SMARCC1: variants seen among roughly 807,000 people sequenced by gnomAD.
SMARCC1 encodes the protein SWI/SNF related BAF chromatin remodeling complex subunit C1.
SMARCC1 carries 43 observed loss-of-function variants against 147.4 expected under a neutral mutation model. The observed-to-expected ratio is 0.29, with a 90% CI of 0.23 to 0.38. SMARCC1 has a LOEUF of 0.38. Among genes scored for constraint, SMARCC1 ranks in the 10% least tolerant of loss-of-function variants. The pLI is 1.00. For missense variants in SMARCC1, 1,119 were observed against 1,381.1 expected (o/e 0.81, Z 3.01); for synonymous variants, 495 against 484.4 (o/e 1.02, Z -0.29).
chr3:47,724,002 C>A (rs973821078), intron 6 of SMARCC1, among the ~76,000 whole-genome samples: 1 of 152,040 alleles, frequency 6.6e-6, no homozygotes, highest in South Asian at 2.1e-4. Flanking sequence ...TATAACAAAA[C>A]AGAAAATAAA....
At chr3:47,667,382 A>G (rs1366886603) in intron 19 of SMARCC1, among the ~76,000 whole-genome samples, 1 of 152,210 alleles carries the variant, frequency 6.6e-6, no homozygotes. Context: ...AATAAATTAC[A>G]AGTTTTCTTT....
chr3:47,698,250 C>A (rs192317309), intron 11 of SMARCC1, among the ~76,000 whole-genome samples: 1 of 151,804 alleles, frequency 6.6e-6, no homozygotes, highest in Non-Finnish European at 1.5e-5. Flanking sequence ...TACTGAAGAA[C>A]GGTATCAAAA....
intron 24 of SMARCC1, among the ~76,000 whole-genome samples, chr3:47,631,735 C>T (rs2032893791): frequency 6.6e-6 from 1 of 152,132 alleles, no homozygotes; most frequent in African/African-American, 2.4e-5. Flanking sequence ...ACAAAAGATT[C>T]TTAAGGAAAA....
chr3:47,777,077 G>A (rs1382226378), intron 1 of SMARCC1, among the ~76,000 whole-genome samples: 1 of 148,888 alleles, frequency 6.7e-6, no homozygotes, highest in African/African-American at 2.5e-5. Flanking sequence ...CCTGGCCTCA[G>A]GTAAATATTT....
chr3:47,609,773 A>AT (rs1205834382), intron 26 of SMARCC1, among the ~76,000 whole-genome samples: 1 of 151,904 alleles, frequency 6.6e-6, no homozygotes, highest in South Asian at 2.1e-4. Flanking sequence ...AATGTCTATA[A>AT]TTTTTTTTAC....
intron 26 of SMARCC1, among the ~76,000 whole-genome samples, chr3:47,593,895 T>G (rs948758057): frequency 2.0e-5 from 3 of 152,196 alleles, no homozygotes; most frequent in Non-Finnish European, 4.4e-5. Context: ...CTGGGCACAG[T>G]GGCTCACACC....
intron 7 of SMARCC1, 32 bp from the exon 8 acceptor site, chr3:47,714,522 T>C: frequency 9.2e-7 from 1 of 1,092,032 alleles, no homozygotes; most frequent in South Asian, 1.4e-5. Flanking sequence ...AAAAACAAAT[T>C]AGAGTCAAAG....
chr3:47,767,293 G>A (rs2034852044), intron 2 of SMARCC1, among the ~76,000 whole-genome samples: 1 of 144,312 alleles, frequency 6.9e-6, no homozygotes, highest in African/African-American at 2.5e-5. Context: ...AGGCTGGAGT[G>A]CAATGGGCAC....
intron 26 of SMARCC1, among the ~76,000 whole-genome samples, chr3:47,600,171 G>A (rs1195034738): frequency 6.6e-6 from 1 of 152,196 alleles, no homozygotes; most frequent in African/African-American, 2.4e-5. Flanking sequence ...CAGGTGTTCT[G>A]AGTATGAGAG....
chr3:47,601,016 A>AGAGAGAGAGAGAGAGAGAGG (rs2032375062), intron 26 of SMARCC1, among the ~76,000 whole-genome samples: 1 of 84,428 alleles, frequency 1.2e-5, no homozygotes, highest in African/African-American at 3.3e-5. Flanking sequence ...AGAGAGAGAG[A>AGAGAGAGAGAGAGAGAGAGG]GAGAGAGAGA....
At chr3:47,662,276 T>C (rs2033356619) in intron 20 of SMARCC1, 58 bp downstream of exon 20, 1 of 1,473,220 alleles carries the variant, frequency 6.8e-7, no homozygotes, top group East Asian at 2.3e-5. Context: ...GCTGGTAATA[T>C]TTAAATTGGG....
rs191205831 is a variant in SMARCC1 at position 47,718,227 on chromosome 3, C to T, written c.716+2439G>A. 1.9e-3 allele frequency among the ~76,000 whole-genome samples: 291 copies of T among 151,210 alleles called. 3 individuals carry two copies. Among genetic ancestry groups the T allele is most frequent in the African/African-American group, 6.5e-3 (268 of 41,250 alleles). On this transcript the variant is annotated intron_variant, in intron 7 of 27. Coordinates refer to ENST00000254480, the MANE Select transcript of SMARCC1 (RefSeq NM_003074.4). ...TGGGAGGCCAAGGTGGGTGGATCAC[C>T]TGAGGTCAGGAGTTTGAAACCAGCC...
intron 24 of SMARCC1, among the ~76,000 whole-genome samples, chr3:47,627,781 T>G (rs1361067236): frequency 6.6e-6 from 1 of 152,118 alleles, no homozygotes; most frequent in Non-Finnish European, 1.5e-5. Flanking sequence ...AGTGCACCAG[T>G]GAGATCACAG....
At chr3:47,752,105 A>C (rs1208268678) in intron 2 of SMARCC1, among the ~76,000 whole-genome samples, 1 of 152,084 alleles carries the variant, frequency 6.6e-6, no homozygotes, top group East Asian at 1.9e-4. Flanking sequence ...CAACAACAAC[A>C]AACCTCTACA....
At chr3:47,625,592 G>A (rs1187338334) in intron 24 of SMARCC1, among the ~76,000 whole-genome samples, 1 of 152,054 alleles carries the variant, frequency 6.6e-6, no homozygotes, top group African/African-American at 2.4e-5. Context: ...GGTTGGGGTA[G>A]GTCAACAAAT....
At chr3:47,644,023 T>C (rs938362716) in intron 21 of SMARCC1, among the ~76,000 whole-genome samples, 5 of 151,940 alleles carry the variant, frequency 3.3e-5, no homozygotes, top group African/African-American at 1.2e-4. Context: ...TCCATATCTA[T>C]AAAAAAATTA....
intron 19 of SMARCC1, among the ~76,000 whole-genome samples, chr3:47,666,588 TAAAA>T (rs11306091): frequency 2.9e-5 from 4 of 140,242 alleles, no homozygotes; most frequent in Admixed American, 7.1e-5. Flanking sequence ...TTTTCCTAAT[TAAAA>T]AAAAAAAAAA....
At chr3:47,693,909 C>G (rs1281465940) in intron 11 of SMARCC1, among the ~76,000 whole-genome samples, 1 of 152,202 alleles carries the variant, frequency 6.6e-6, no homozygotes, top group Non-Finnish European at 1.5e-5. Context: ...GCAATCCATT[C>G]GCATCAGCCT....
At chr3:47,661,525 A>G in intron 20 of SMARCC1, 70 bp from the exon 21 acceptor site, 2 of 1,240,786 alleles carry the variant, frequency 1.6e-6, no homozygotes, top group South Asian at 2.7e-5. Context: ...TAAAACCACC[A>G]CCAGGAAACC....
Sources: allele counts gnomAD v4.1 joint callset (sites outside exome capture counted in the v4.1 genomes callset), GRCh38; gene constraint gnomAD v4.1.1; transcripts MANE v1.5; gene names NCBI Gene and HGNC (gene_info 2026-07-23, HGNC 2026-07-21).